Variants in NOC4L observed in about 807,000 individuals in gnomAD.
NOC4L encodes the protein nucleolar complex associated 4 homolog.
In NOC4L, 40 loss-of-function variants were observed where a neutral mutation model predicts 62.8. That is an observed-to-expected ratio of 0.64 (90% CI 0.49 to 0.83). NOC4L has a LOEUF of 0.83. Ranked by LOEUF, NOC4L falls within the 40% of genes least tolerant of loss-of-function variation. The pLI, the probability that NOC4L is intolerant of heterozygous loss-of-function variation, is 0.00. For synonymous variants in NOC4L, 433 were observed against 299.8 expected, an observed-to-expected ratio of 1.44 and a Z score of -4.59; for missense variants, 927 against 701.9, an observed-to-expected ratio of 1.32 and a Z score of -3.62.
chr12:132,144,908 G>T lies in NOC4L; in HGVS notation c.172G>T (p.Gly58Trp). ...AGTCCGCACGTGCAGCCGTCTTTTC[G>T]GGGCCTTGCTGGAGCGGGGAGAGCT... Reference protein sequence around the residue: ...EAVRTCSRLFGALLERGELFV... With the variant: ...EAVRTCSRLFWALLERGELFV... Residue 58 changes from glycine (G) to tryptophan (W), a missense_variant, in exon 2 of 15, where the codon GGG becomes TGG. Physicochemically the swap from Gly to Trp is radical, Grantham distance 184. Coordinates refer to ENST00000330579, the MANE Select transcript of NOC4L (RefSeq NM_024078.3). The T allele has an allele frequency of 6.2e-7, 1 of 1,601,912 alleles. No homozygotes were observed. Among genetic ancestry groups the T allele is most frequent in the Non-Finnish European group, 8.5e-7 (1 of 1,175,536 alleles).
chr12:132,144,734 C>T, intron 1 of NOC4L, 120 bp from the exon 2 acceptor site: 2 of 1,461,030 alleles, frequency 1.4e-6, no homozygotes, highest in Admixed American at 2.2e-5. Flanking sequence ...GCGTGTGGGT[C>T]ACGGGTCGGG....
Position 132,148,828 on chromosome 12 carries a change from C to T in NOC4L, c.834C>T (p.Asp278=), listed in dbSNP as rs147639307. ...AGAAGGTGCTGCTGATTGTGCATGA[C>T]GCCATCCTGCCGCAGCTGGCGCAGC... is the stretch of plus-strand genomic sequence containing the variant. ...LYKKVLLIVH[D]AILPQLAQPT... Residue 278 remains aspartate, a synonymous_variant, in exon 9 of 15, where the codon GAC becomes GAT. Transcript: ENST00000330579. The T allele has an allele frequency of 5.1e-5, 82 of 1,603,456 alleles. No homozygotes were observed. Among genetic ancestry groups the T allele is most frequent in the South Asian group, 4.1e-4 (37 of 90,694 alleles).
In NOC4L at chr12:132,152,393, C is replaced by A; in HGVS notation, c.1543C>A (p.Leu515Ile). Residue 515 changes from leucine (L) to isoleucine (I), a missense_variant, in exon 15 of 15, where the codon CTC becomes ATC. Coordinates refer to ENST00000330579, the MANE Select transcript of NOC4L (RefSeq NM_024078.3). ...PGELCAQHFT[L>I]S is the part of the protein sequence containing the mutation. ...TGAACTCTGTGCCCAGCACTTCACG[C>A]TCAGCTGACCCTGGCCCACCTGTGA... 4 of 1,577,252 alleles carry A rather than the reference C, an allele frequency of 2.5e-6. No individual in the cohort carries two copies. The highest frequency in any genetic ancestry group is 1.7e-5 in the Admixed American group (1 of 57,410).
chr12:132,151,922 TC>T, intron 13 of NOC4L, 102 bp downstream of exon 13: 1 of 1,322,938 alleles, frequency 7.6e-7, no homozygotes, highest in Non-Finnish European at 1.0e-6. Context: ...TCATGTTGCG[TC>T]CCCAGCTGGC....
At chr12:132,146,202 G>C (rs1897715647) in intron 3 of NOC4L, 1 of 454,046 alleles carries the variant, frequency 2.2e-6, no homozygotes. Flanking sequence ...TCCTGGATCA[G>C]TGGTTACTTC....
chr12:132,146,444 T>C (rs1269205884), intron 3 of NOC4L: 2 of 433,630 alleles, frequency 4.6e-6, no homozygotes, highest in South Asian at 1.6e-5. Flanking sequence ...GTACAAACTC[T>C]TGTGTGATGT....
Position 132,152,314 on chromosome 12 carries a change from C to A in NOC4L, c.1464C>A (p.Pro488=). The change falls in exon 15 of 15, where the codon CCC becomes CCA. Residue 488 remains proline, a synonymous_variant. Coordinates refer to ENST00000330579, the MANE Select transcript of NOC4L (RefSeq NM_024078.3). ...IFERDLKKKG[P]EPVPLEFIPA... is the part of the protein sequence containing the mutation. The stretch of plus-strand genomic sequence containing the variant: ...AGCGGGACCTGAAGAAGAAGGGGCC[C>A]GAGCCGGTGCCACTGGAGTTTATCC... 1 of 1,555,184 alleles carries A rather than the reference C, an allele frequency of 6.4e-7. No homozygotes were observed. Among genetic ancestry groups the A allele is most frequent in the East Asian group, 2.4e-5 (1 of 41,176 alleles).
chr12:132,151,276 C>T lies in NOC4L; in HGVS notation c.981C>T (p.Tyr327=), dbSNP rs752567972. 8.7e-6 allele frequency: 14 copies of T among 1,611,740 alleles called. No individual in the cohort carries two copies. The South Asian group carries it at 1.4e-4, about 16-fold the overall frequency. The change falls in exon 11 of 15, where the codon TAC becomes TAT. Residue 327 remains tyrosine, a synonymous_variant. Transcript: ENST00000330579. ...CCCGCAGGGAGTACCCTGACTTCTA[C>T]CGGAAGCTCTACGGCCTCTTGGACC... ...HKHNLEYPDF[Y]RKLYGLLDPS... is the part of the protein sequence containing the mutation.
chr12:132,148,529 G>A (rs1897812171), intron 7 of NOC4L, 80 bp from the exon 8 acceptor site: 3 of 1,485,210 alleles, frequency 2.0e-6, no homozygotes, highest in Non-Finnish European at 2.8e-6. Flanking sequence ...CTCAGGCTGG[G>A]CTTCGGGGTG....
rs759774718 is a variant in NOC4L, at chr12:132,144,840, C to T, written c.118-14C>T. Reference sequence around the variant, plus strand: ...AGTTGGCGGCCGGGCACCCTGCCGCCGCCTCTCCTGCAGTCTGAGGACCAG... The same window carrying T: ...AGTTGGCGGCCGGGCACCCTGCCGCTGCCTCTCCTGCAGTCTGAGGACCAG... On this transcript the variant is annotated splice_polypyrimidine_tract_variant and intron_variant, in intron 1 of 14. Transcript: ENST00000330579. The T allele has an allele frequency of 4.4e-6, 7 of 1,594,878 alleles. No homozygotes were observed. The Admixed American group carries it at 8.9e-5, about 20-fold the overall frequency.
At chr12:132,147,204 C>T in intron 3 of NOC4L, 77 bp from the exon 4 acceptor site, 1 of 1,137,020 alleles carries the variant, frequency 8.8e-7, no homozygotes, top group South Asian at 1.8e-5. Flanking sequence ...ATGGGAGGGG[C>T]TCCCTGACTG....
rs753362905 is a variant in NOC4L at position 132,148,771 on chromosome 12, G to A, written c.790-13G>A. On this transcript the variant is annotated splice_polypyrimidine_tract_variant and intron_variant, in intron 8 of 14. Transcript: ENST00000330579. The stretch of plus-strand genomic sequence containing the variant: ...CACCCGCCCCTCACCCCCACCTGCC[G>A]GCCCCCGCCCAGCTGCCCCTCAGCC... 1.7e-5 allele frequency: 10 copies of A among 603,234 alleles called. No homozygotes were observed. The highest frequency in any genetic ancestry group is 1.0e-4 in the Admixed American group (1 of 9,850). 37.4% of individuals were successfully genotyped at this position (603,234 alleles called of 1,614,324 possible).
intron 5 of NOC4L, 37 bp from the exon 6 acceptor site, chr12:132,147,843 G>T (rs370139734): frequency 2.9e-5 from 46 of 1,609,928 alleles, no homozygotes; most frequent in Non-Finnish European, 3.6e-5. Context: ...GCAGGGACTG[G>T]GGGGCGGCGT....
chr12:132,151,092 T>C (rs1215332964), intron 10 of NOC4L, 51 bp downstream of exon 10: 3 of 1,539,954 alleles, frequency 1.9e-6, no homozygotes, highest in Admixed American at 1.7e-5. Flanking sequence ...CCAGCCCTGC[T>C]CCTCTGTCCC....
intron 4 of NOC4L, 33 bp from the exon 5 acceptor site, chr12:132,147,600 C>A: frequency 6.2e-7 from 1 of 1,606,610 alleles, no homozygotes; most frequent in Admixed American, 1.7e-5. Flanking sequence ...TATGCTGGGC[C>A]GGGCAGGGCT....
rs541371075 is a variant in NOC4L, at chr12:132,148,151, T to G, written c.738+45T>G. Reference sequence around the variant, plus strand: ...CCGGGCACCCTCCCGGGTTTGGGGGTGTGTGTGGGGTGCATGTGAGACCCC... The same window carrying G: ...CCGGGCACCCTCCCGGGTTTGGGGGGGTGTGTGGGGTGCATGTGAGACCCC... On this transcript the variant is annotated intron_variant, in intron 7 of 14. Coordinates refer to ENST00000330579, the MANE Select transcript of NOC4L (RefSeq NM_024078.3). The G allele has an allele frequency of 1.6e-5, 26 of 1,603,530 alleles. No homozygotes were observed. In the East Asian group the frequency reaches 2.5e-4, roughly 15 times the overall value.
In NOC4L at chr12:132,152,345, C is replaced by G. The variant is rs772335707; in HGVS notation, c.1495C>G (p.Gln499Glu). Reference protein sequence around the residue: ...EPVPLEFIPAQGLLGRPGELC... With the variant: ...EPVPLEFIPAEGLLGRPGELC... ...GGTGCCACTGGAGTTTATCCCAGCC[C>G]AGGGCCTGCTGGGACGGCCGGGTGA... is the stretch of plus-strand genomic sequence containing the variant. The change falls in exon 15 of 15, where the codon CAG becomes GAG. Residue 499 changes from glutamine (Q) to glutamate (E), a missense_variant. Coordinates refer to ENST00000330579, the MANE Select transcript of NOC4L (RefSeq NM_024078.3). The G allele has an allele frequency of 8.5e-5, 133 of 1,570,686 alleles. No individual in the cohort carries two copies. Among genetic ancestry groups the G allele is most frequent in the South Asian group, 8.0e-4 (69 of 86,102 alleles).
chr12:132,148,189 G>A (rs747820871), intron 7 of NOC4L, 83 bp downstream of exon 7: 9 of 1,424,256 alleles, frequency 6.3e-6, no homozygotes, highest in East Asian at 4.7e-5. Flanking sequence ...GGAGGCTGCC[G>A]CCTTCCTCAC....
At chr12:132,148,520 T>C (rs1897811737) in intron 7 of NOC4L, 89 bp from the exon 8 acceptor site, 6 of 1,427,732 alleles carry the variant, frequency 4.2e-6, no homozygotes, top group South Asian at 1.2e-5. Context: ...TTGTGTTGGC[T>C]CAGGCTGGGC....
Sources: gnomAD v4.1 joint callset for allele counts on GRCh38, gnomAD v4.1.1 for gene constraint, MANE v1.5 for transcripts, NCBI Gene and HGNC (gene_info 2026-07-23, HGNC 2026-07-21) for gene names.